Variants in ARL15 observed in about 807,000 individuals in gnomAD.
ARL15 encodes ADP-ribosylation factor-like protein 15.
Under a neutral mutation model 25.2 loss-of-function variants are expected in ARL15, and 19 were observed. That is an observed-to-expected ratio of 0.75 (90% CI 0.53 to 1.10). The LOEUF (loss-of-function observed/expected upper bound fraction) is 1.10. Among genes scored for constraint, ARL15 ranks in the 50% least tolerant of loss-of-function variants. The probability of loss-of-function intolerance (pLI) is 0.00; values close to 1 mark genes in which losing one functional copy is unlikely to be tolerated. For synonymous variants in ARL15, 94 were observed against 86.8 expected, an observed-to-expected ratio of 1.08 and a Z score of -0.46; for missense variants, 220 against 246.0, an observed-to-expected ratio of 0.89 and a Z score of 0.71.
At chr5:54,131,578 T>A (rs1429042967) in intron 3 of ARL15, among the ~76,000 whole-genome samples, 1 of 152,198 alleles carries the variant, frequency 6.6e-6, no homozygotes, top group East Asian at 1.9e-4. Flanking sequence ...TGCGTAACTT[T>A]CTATTTTGTA....
At chr5:54,285,476 A>T (rs981405203) in intron 1 of ARL15, 1 of 241,438 alleles carries the variant, frequency 4.1e-6, no homozygotes, top group Non-Finnish European at 6.7e-6. Context: ...GTATAATTTG[A>T]GTTCCATCAG....
chr5:54,019,204 C>T (rs887821395), intron 4 of ARL15, among the ~76,000 whole-genome samples: 5 of 150,984 alleles, frequency 3.3e-5, no homozygotes, highest in Admixed American at 1.3e-4. Context: ...CCAGTTGAGA[C>T]GTACCTAAGT....
intron 4 of ARL15, among the ~76,000 whole-genome samples, chr5:53,981,111 G>T (rs941499190): frequency 6.6e-6 from 1 of 152,062 alleles, no homozygotes; most frequent in Non-Finnish European, 1.5e-5. Context: ...ACGAACCCCG[G>T]TTTAGTCACA....
chr5:54,180,876 C>G (rs1755035572), intron 1 of ARL15, among the ~76,000 whole-genome samples: 1 of 152,204 alleles, frequency 6.6e-6, no homozygotes, highest in African/African-American at 2.4e-5. Context: ...CAGCTATAGA[C>G]ATTGGCCTCA....
intron 4 of ARL15, among the ~76,000 whole-genome samples, chr5:54,044,293 G>C (rs952576691): frequency 6.7e-6 from 1 of 148,574 alleles, no homozygotes. Context: ...GCCCAGGCTG[G>C]AGTGCAATGG....
At chr5:54,308,098 A>G (rs1758808028) in intron 1 of ARL15, among the ~76,000 whole-genome samples, 1 of 152,258 alleles carries the variant, frequency 6.6e-6, no homozygotes, top group African/African-American at 2.4e-5. Flanking sequence ...AAAGACAGGA[A>G]GAGAAAAATA....
intron 3 of ARL15, among the ~76,000 whole-genome samples, chr5:54,144,626 G>T (rs181839361): frequency 2.0e-5 from 3 of 151,736 alleles, no homozygotes. Flanking sequence ...TTCATATTGC[G>T]GTGTGTCATA....
At chr5:54,069,989 A>G (rs1457332945) in intron 4 of ARL15, among the ~76,000 whole-genome samples, 1 of 148,958 alleles carries the variant, frequency 6.7e-6, no homozygotes, top group Non-Finnish European at 1.5e-5. Context: ...GGCTTTTAAG[A>G]GGTGTTTGGT....
At chr5:54,150,851 C>A (rs1193045882) in intron 3 of ARL15, among the ~76,000 whole-genome samples, 37 of 127,444 alleles carry the variant, frequency 2.9e-4, no homozygotes, top group South Asian at 1.0e-3. Flanking sequence ...CACTGTTAAC[C>A]AAAAAAAAAA....
rs149253791 is a variant in ARL15, at chr5:53,939,912, A to AAAC, written c.463-53202_463-53200dup. On this transcript the variant is annotated intron_variant, in intron 4 of 4. Transcript: ENST00000504924. ...TTGTAACTTAGGTGTTATCCAGAAA[A>AAAC]AACAACAACAACAACAACAACAACA... 4.4e-3 allele frequency among the ~76,000 whole-genome samples: 666 copies of AAAC among 150,586 alleles called. 3 individuals carry two copies. Among genetic ancestry groups the AAAC allele is most frequent in the Middle Eastern group, 0.024 (7 of 292 alleles).
intron 3 of ARL15, among the ~76,000 whole-genome samples, chr5:54,153,369 G>C (rs1236587815): frequency 6.6e-6 from 1 of 152,084 alleles, no homozygotes; most frequent in Non-Finnish European, 1.5e-5. Context: ...AATAGTTTCT[G>C]AGCAACCATT....
chr5:53,997,703 G>A (rs569221474), intron 4 of ARL15, among the ~76,000 whole-genome samples: 134 of 152,062 alleles, frequency 8.8e-4, no homozygotes, highest in Middle Eastern at 3.4e-3. Flanking sequence ...CAGAATTTAT[G>A]GTCCTCACCT....
intron 1 of ARL15, among the ~76,000 whole-genome samples, chr5:54,200,648 C>G (rs568411363): frequency 1.3e-5 from 2 of 152,118 alleles, no homozygotes; most frequent in African/African-American, 2.4e-5. Context: ...GTTACCTGTA[C>G]TAGGGTTAGG....
At chr5:53,982,577 G>A (rs1162575717) in intron 4 of ARL15, among the ~76,000 whole-genome samples, 2 of 152,148 alleles carry the variant, frequency 1.3e-5, no homozygotes, top group East Asian at 3.9e-4. Flanking sequence ...TCTTTATCCA[G>A]TCTATCATTG....
At chr5:54,141,161 C>A (rs1753769232) in intron 3 of ARL15, among the ~76,000 whole-genome samples, 1 of 152,022 alleles carries the variant, frequency 6.6e-6, no homozygotes, top group African/African-American at 2.4e-5. Context: ...TTTTTATTAA[C>A]TGAGTGCTGC....
At chr5:54,204,071 T>G (rs1284594765) in intron 1 of ARL15, among the ~76,000 whole-genome samples, 1 of 152,164 alleles carries the variant, frequency 6.6e-6, no homozygotes. Context: ...AGCTGCTACC[T>G]AAACAACTTT....
At chr5:54,015,148 G>T (rs1361786770) in intron 4 of ARL15, among the ~76,000 whole-genome samples, 3 of 151,816 alleles carry the variant, frequency 2.0e-5, no homozygotes, top group African/African-American at 7.3e-5. Flanking sequence ...CAAAAAACTA[G>T]CCAGGCATGG....
intron 1 of ARL15, among the ~76,000 whole-genome samples, chr5:54,253,796 C>A (rs1439466213): frequency 2.0e-5 from 3 of 152,138 alleles, no homozygotes; most frequent in Non-Finnish European, 4.4e-5. Context: ...CGTCATCTTG[C>A]CCAGGCTGGT....
intron 1 of ARL15, among the ~76,000 whole-genome samples, chr5:54,254,008 G>C (rs1262968918): frequency 6.6e-6 from 1 of 152,222 alleles, no homozygotes; most frequent in Non-Finnish European, 1.5e-5. Flanking sequence ...AGTTTCTTAA[G>C]ACATGGGAGC....
Sources: allele counts gnomAD v4.1 joint callset (sites outside exome capture counted in the v4.1 genomes callset), GRCh38; gene constraint gnomAD v4.1.1; transcripts MANE v1.5; gene names NCBI Gene and HGNC (gene_info 2026-07-23, HGNC 2026-07-21).